The following TDRD3 variants were observed in gnomAD, a reference collection of about 807,000 sequenced individuals.
The protein encoded by TDRD3 is tudor domain-containing protein 3.
Under a neutral mutation model 86.7 loss-of-function variants are expected in TDRD3, and 45 were observed. The observed-to-expected ratio is 0.52, with a 90% CI of 0.41 to 0.67. The LOEUF (loss-of-function observed/expected upper bound fraction) is 0.67. Among genes scored for constraint, TDRD3 ranks in the 30% least tolerant of loss-of-function variants. TDRD3 has a pLI of 0.00. For synonymous variants in TDRD3, 298 were observed against 301.7 expected (o/e 0.99, Z 0.13); for missense variants, 814 against 889.0 (o/e 0.92, Z 1.07).
intron 12 of TDRD3, among the ~76,000 whole-genome samples, chr13:60,549,068 T>C (rs1412802888): frequency 6.6e-6 from 1 of 152,122 alleles, no homozygotes; most frequent in Non-Finnish European, 1.5e-5. Flanking sequence ...TTACAAAGGC[T>C]GTATGAGGAA....
At chr13:60,487,855 C>G (rs1454812476) in intron 7 of TDRD3, among the ~76,000 whole-genome samples, 1 of 152,164 alleles carries the variant, frequency 6.6e-6, no homozygotes, top group Non-Finnish European at 1.5e-5. Context: ...ATATTGTTTT[C>G]TGTAATGGCT....
At chr13:60,481,499 T>A (rs1392521507) in intron 5 of TDRD3, among the ~76,000 whole-genome samples, 1 of 152,038 alleles carries the variant, frequency 6.6e-6, no homozygotes, top group Non-Finnish European at 1.5e-5. Context: ...ACCTTTAAAT[T>A]CACTGATCTT....
rs117219525 is a variant in TDRD3, at chr13:60,422,781, G to A, written c.42-16907G>A. Reference sequence around the variant, plus strand: ...AAGAAATGTCAGAGAGAAAGTAGTCGAATATTATTCCTTTGGAATAATATT... The same window carrying A: ...AAGAAATGTCAGAGAGAAAGTAGTCAAATATTATTCCTTTGGAATAATATT... On this transcript the variant is annotated intron_variant, in intron 1 of 13. Transcript: ENST00000377881. Among the ~76,000 whole-genome samples the A allele has an allele frequency of 3.8e-3, 576 of 151,986 alleles. 2 individuals carry two copies. The highest frequency in any genetic ancestry group is 0.013 in the East Asian group (66 of 5,174).
intron 12 of TDRD3, among the ~76,000 whole-genome samples, chr13:60,542,051 C>G (rs549411408): frequency 1.3e-5 from 2 of 152,112 alleles, no homozygotes; most frequent in East Asian, 3.9e-4. Context: ...CTTAAGGAAG[C>G]ATCATCGGTG....
intron 12 of TDRD3, among the ~76,000 whole-genome samples, chr13:60,565,409 A>G (rs1265329812): frequency 6.6e-6 from 1 of 152,192 alleles, no homozygotes. Flanking sequence ...CAGATTAAAG[A>G]CATCAAGTTA....
At chr13:60,533,371 T>C (rs539755954) in intron 11 of TDRD3, among the ~76,000 whole-genome samples, 6 of 152,316 alleles carry the variant, frequency 3.9e-5, no homozygotes, top group African/African-American at 1.4e-4. Flanking sequence ...CTGGGCGCAG[T>C]GGCTCATGTC....
At chr13:60,476,009 A>G (rs1032101629) in intron 5 of TDRD3, among the ~76,000 whole-genome samples, 2 of 152,066 alleles carry the variant, frequency 1.3e-5, no homozygotes, top group African/African-American at 2.4e-5. Context: ...CCCTGTTTAT[A>G]GTTTCCTTTG....
At chr13:60,437,441 T>C (rs918345296) in intron 1 of TDRD3, among the ~76,000 whole-genome samples, 5 of 152,020 alleles carry the variant, frequency 3.3e-5, no homozygotes, top group African/African-American at 1.2e-4. Context: ...TGGTGTGTTA[T>C]AATGGAAAGA....
chr13:60,531,550 T>C lies in TDRD3; in HGVS notation c.1992+2333T>C, dbSNP rs552348054. The stretch of plus-strand genomic sequence containing the variant: ...CCTTGACAAGAGCAGAAGTAAGAGA[T>C]TGGAATTCACGTTCAAAATGTTTGA... On this transcript the variant is annotated intron_variant, in intron 11 of 13. Coordinates refer to ENST00000377881, the MANE Select transcript of TDRD3 (RefSeq NM_001146070.2). 5.3e-4 allele frequency among the ~76,000 whole-genome samples: 80 copies of C among 152,242 alleles called. 2 individuals carry two copies. Among genetic ancestry groups the C allele is most frequent in the African/African-American group, 1.9e-3 (78 of 41,554 alleles).
chr13:60,433,967 T>G (rs1218324842), intron 1 of TDRD3: 1 of 152,190 alleles, frequency 6.6e-6, no homozygotes, highest in Non-Finnish European at 1.5e-5. Context: ...TCTGGAACAA[T>G]GAGTTTAAAA....
chr13:60,570,661 G>A (rs2138011721), intron 13 of TDRD3, among the ~76,000 whole-genome samples: 1 of 152,276 alleles, frequency 6.6e-6, no homozygotes, highest in South Asian at 2.1e-4. Context: ...CTCATTGCTG[G>A]AAGGCAGCCA....
chr13:60,460,137 A>T (rs534013682), intron 3 of TDRD3, among the ~76,000 whole-genome samples: 11 of 152,330 alleles, frequency 7.2e-5, no homozygotes, highest in African/African-American at 2.6e-4. Flanking sequence ...TACCTTCTGA[A>T]AATGAATTCA....
chr13:60,494,378 A>G (rs1327538927), intron 7 of TDRD3, 57 bp from the exon 8 acceptor site: 2 of 1,451,832 alleles, frequency 1.4e-6, no homozygotes, highest in African/African-American at 2.8e-5. Flanking sequence ...CTTAGTTTTT[A>G]GAACTATTTT....
intron 1 of TDRD3, among the ~76,000 whole-genome samples, chr13:60,401,710 G>C (rs1954106988): frequency 6.6e-6 from 1 of 152,158 alleles, no homozygotes; most frequent in Non-Finnish European, 1.5e-5. Flanking sequence ...GCAGAGATGG[G>C]ATGGAGAGGA....
At chr13:60,509,326 T>TG (rs1957005646) in intron 8 of TDRD3, among the ~76,000 whole-genome samples, 1 of 151,998 alleles carries the variant, frequency 6.6e-6, no homozygotes, top group African/African-American at 2.4e-5. Context: ...AAAAAGCTCC[T>TG]GGGGGGTATC....
At chr13:60,569,733 A>G (rs566466725) in intron 13 of TDRD3, among the ~76,000 whole-genome samples, 32 of 152,264 alleles carry the variant, frequency 2.1e-4, no homozygotes, top group African/African-American at 7.7e-4. Context: ...AAACAGACCA[A>G]TGGAACAGAA....
intron 12 of TDRD3, 76 bp downstream of exon 12, chr13:60,535,309 A>C: frequency 1.4e-6 from 2 of 1,432,654 alleles, no homozygotes; most frequent in Non-Finnish European, 1.8e-6. Context: ...TTAGATAGCC[A>C]TACAAAATAT....
At chr13:60,432,023 G>A (rs1281377564) in intron 1 of TDRD3, among the ~76,000 whole-genome samples, 1 of 152,030 alleles carries the variant, frequency 6.6e-6, no homozygotes, top group African/African-American at 2.4e-5. Flanking sequence ...ATGTGGGATA[G>A]GAAGTGGCTA....
intron 1 of TDRD3, among the ~76,000 whole-genome samples, chr13:60,408,088 A>T (rs1250809415): frequency 2.0e-5 from 3 of 151,708 alleles, no homozygotes; most frequent in Non-Finnish European, 4.4e-5. Flanking sequence ...CCCGTGTGGA[A>T]CTGTAAGCCC....
Sources: allele counts gnomAD v4.1 joint callset (sites outside exome capture counted in the v4.1 genomes callset), GRCh38; gene constraint gnomAD v4.1.1; transcripts MANE v1.5; gene names NCBI Gene and HGNC (gene_info 2026-07-23, HGNC 2026-07-21).